DMD: variants seen among roughly 807,000 people sequenced by gnomAD.
The protein encoded by DMD is mutant dystrophin.
A neutral mutation model predicts 330.1 loss-of-function variants in DMD; 63 were observed. That is an observed-to-expected ratio of 0.19 (90% CI 0.16 to 0.24). The LOEUF (loss-of-function observed/expected upper bound fraction) is 0.24. Ranked by LOEUF, DMD falls within the 10% of genes least tolerant of loss-of-function variation. The pLI is 1.00. For missense variants in DMD, 3,344 were observed against 2,684.1 expected (o/e 1.25, Z -5.43); for synonymous variants, 1,223 against 959.8 (o/e 1.27, Z -5.07).
intron 47 of DMD, among the ~76,000 whole-genome samples, chrX:31,876,526 G>A (rs1302084037): frequency 2.7e-5 from 3 of 111,115 alleles, no homozygotes; most frequent in Non-Finnish European, 3.8e-5. Flanking sequence ...TTAAGTAGCA[G>A]TGATTATTGC....
intron 44 of DMD, among the ~76,000 whole-genome samples, chrX:32,057,788 C>T (rs1232970470): frequency 9.0e-6 from 1 of 111,037 alleles, no homozygotes; most frequent in Non-Finnish European, 1.9e-5. Context: ...CCAAAACAGT[C>T]TTGAGGAAGA....
intron 61 of DMD, among the ~76,000 whole-genome samples, chrX:31,333,468 G>C (rs906415232): frequency 3.8e-5 from 3 of 78,976 alleles, no homozygotes; most frequent in Non-Finnish European, 6.8e-5. Context: ...GAGCTTTTGT[G>C]TTGGGTTCCA....
intron 44 of DMD, among the ~76,000 whole-genome samples, chrX:31,971,779 A>G (rs897274452): frequency 8.9e-6 from 1 of 112,139 alleles, no homozygotes; most frequent in African/African-American, 3.2e-5. Flanking sequence ...TAGCTTCTAA[A>G]TATTTTAAGT....
At chrX:32,146,984 C>T (rs946668103) in intron 44 of DMD, among the ~76,000 whole-genome samples, 1 of 111,822 alleles carries the variant, frequency 8.9e-6, no homozygotes, top group African/African-American at 3.2e-5. Context: ...TTCTGTGGGT[C>T]CCTTCATGAT....
intron 1 of DMD, among the ~76,000 whole-genome samples, chrX:33,280,691 A>C (rs995357477): frequency 3.6e-5 from 4 of 111,854 alleles, no homozygotes; most frequent in African/African-American, 1.3e-4. Flanking sequence ...AAATATGTGC[A>C]GATTTTTGTA....
At chrX:33,279,044 T>A (rs1603427755) in intron 1 of DMD, among the ~76,000 whole-genome samples, 1 of 111,316 alleles carries the variant, frequency 9.0e-6, no homozygotes, top group East Asian at 2.8e-4. Flanking sequence ...AAATTCTGGA[T>A]TAAATTTGAC....
At chrX:32,936,777 C>T (rs1353984983) in intron 2 of DMD, among the ~76,000 whole-genome samples, 1 of 111,622 alleles carries the variant, frequency 9.0e-6, no homozygotes, top group African/African-American at 3.3e-5. Context: ...TGAAATGTTA[C>T]CTAGAACACT....
chrX:32,014,207 C>A (rs1329861261), intron 44 of DMD, among the ~76,000 whole-genome samples: 1 of 111,887 alleles, frequency 8.9e-6, no homozygotes, highest in Non-Finnish European at 1.9e-5. Context: ...TGAAGTAATT[C>A]ATGGGGTCAT....
intron 55 of DMD, among the ~76,000 whole-genome samples, chrX:31,622,907 T>C (rs773743097): frequency 3.1e-3 from 291 of 95,035 alleles, no homozygotes; most frequent in Non-Finnish European, 4.8e-3. Context: ...CACACACACA[T>C]ATATGTGTAT....
rs12389215 is a variant in DMD at position 32,735,228 on chromosome X, G to A, written c.650-35935C>T. 7.9e-3 allele frequency among the ~76,000 whole-genome samples: 855 copies of A among 108,798 alleles called. 5 individuals are homozygous for A. The highest frequency in any genetic ancestry group is 0.023 in the East Asian group (80 of 3,441). The allele number at this position is 108,798 out of a possible 115,157, so 94.5% of individuals were successfully genotyped here. On this transcript the variant is annotated intron_variant, in intron 7 of 78. Coordinates refer to ENST00000357033, the MANE Select transcript of DMD (RefSeq NM_004006.3). The stretch of plus-strand genomic sequence containing the variant: ...TACAAGGGATGTGAAGGACCTCTTC[G>A]AGGAGAACTACAAACCACTGCTCAA...
chrX:31,447,299 C>A (rs73212362), intron 59 of DMD, among the ~76,000 whole-genome samples: 7,209 of 71,524 alleles, frequency 0.1, 311 homozygotes, highest in East Asian at 0.29. Context: ...TTCTTTCAAG[C>A]AATGATAGTG....
intron 2 of DMD, among the ~76,000 whole-genome samples, chrX:32,853,769 G>GAAAAAAAAAA (rs1162458210): frequency 5.5e-4 from 31 of 55,998 alleles, no homozygotes; most frequent in African/African-American, 1.3e-3. Flanking sequence ...CACAGTGACA[G>GAAAAAAAAAA]AAAAAAAAAA....
intron 61 of DMD, among the ~76,000 whole-genome samples, chrX:31,347,233 T>C (rs1343977124): frequency 9.0e-6 from 1 of 110,563 alleles, no homozygotes; most frequent in Non-Finnish European, 1.9e-5. Context: ...GTCATTTGTC[T>C]ATGTATTGGG....
At chrX:32,399,937 A>C (rs1300144045) in intron 30 of DMD, among the ~76,000 whole-genome samples, 1 of 111,420 alleles carries the variant, frequency 9.0e-6, no homozygotes, top group African/African-American at 3.3e-5. Context: ...TTCCTGATTG[A>C]ACACCCTTTA....
At chrX:31,161,138 T>TTTG (rs2038760855) in intron 74 of DMD, among the ~76,000 whole-genome samples, 1 of 111,332 alleles carries the variant, frequency 9.0e-6, no homozygotes, top group South Asian at 3.9e-4. Flanking sequence ...GACAGCTATT[T>TTTG]TTGTTATTAT....
In DMD at chrX:31,616,000, A is replaced by T. The variant is rs769855760; in HGVS notation, c.8217+11673T>A. Among the ~76,000 whole-genome samples, 3 of 111,895 alleles carry T rather than the reference A, an allele frequency of 2.7e-5. No homozygotes were observed. The South Asian group carries it at 1.1e-3, about 42-fold the overall frequency. ...GTACATTAATTCGCATCACCCTCACAACAACCTGAAGAGGTAGCTGTCATT... is the reference window on the plus strand; with the variant it reads ...GTACATTAATTCGCATCACCCTCACTACAACCTGAAGAGGTAGCTGTCATT... On this transcript the variant is annotated intron_variant, in intron 55 of 78. Coordinates refer to ENST00000357033, the MANE Select transcript of DMD (RefSeq NM_004006.3).
intron 18 of DMD, among the ~76,000 whole-genome samples, chrX:32,506,712 A>C (rs2044664132): frequency 1.8e-5 from 2 of 111,590 alleles, no homozygotes; most frequent in African/African-American, 6.5e-5. Flanking sequence ...GAAAATTTCA[A>C]AGCACCCAGT....
intron 54 of DMD, among the ~76,000 whole-genome samples, chrX:31,649,306 G>C (rs1004651936): frequency 1.8e-5 from 2 of 111,628 alleles, no homozygotes; most frequent in African/African-American, 6.5e-5. Context: ...CAGGACTGTA[G>C]GACTGGGTTA....
chrX:31,750,501 T>C (rs6628638), intron 51 of DMD, among the ~76,000 whole-genome samples: 12,194 of 110,576 alleles, frequency 0.11, 569 homozygotes, highest in East Asian at 0.25. Context: ...TCCATTGATC[T>C]ATATGTCTGT....
Sources: gnomAD v4.1 joint callset for allele counts (sites outside exome capture counted in the v4.1 genomes callset) on GRCh38, gnomAD v4.1.1 for gene constraint, MANE v1.5 for transcripts, NCBI Gene and HGNC (gene_info 2026-07-23, HGNC 2026-07-21) for gene names.